Variants in BICRA observed in about 807,000 individuals in gnomAD.
BICRA encodes BRD4 interacting chromatin remodeling complex associated protein, also known as BRD4-interacting chromatin-remodeling complex-associated protein.
Under a neutral mutation model 96.9 loss-of-function variants are expected in BICRA, and 31 were observed. The observed-to-expected ratio is 0.32, with a 90% CI of 0.24 to 0.43. BICRA has a LOEUF of 0.43. Among genes scored for constraint, BICRA ranks in the 20% least tolerant of loss-of-function variants. The probability of loss-of-function intolerance (pLI) is 1.00; values close to 1 mark genes in which losing one functional copy is unlikely to be tolerated. For missense variants in BICRA, 2,283 were observed against 2,190.3 expected (o/e 1.04, Z -0.84); for synonymous variants, 1,350 against 1,071.8 (o/e 1.26, Z -5.07).
chr19:47,652,603 G>C (rs778893751), intron 1 of BICRA, among the ~76,000 whole-genome samples: 2 of 152,166 alleles, frequency 1.3e-5, no homozygotes, highest in African/African-American at 4.8e-5. Context: ...CTTACTACTC[G>C]TGGCTTTTTA....
intron 1 of BICRA, among the ~76,000 whole-genome samples, chr19:47,654,975 T>C (rs1244667385): frequency 6.6e-6 from 1 of 152,074 alleles, no homozygotes; most frequent in Non-Finnish European, 1.5e-5. Flanking sequence ...CAAGATATCA[T>C]ATTTGCAGAT....
chr19:47,688,284 G>GAGA (rs1449350769), intron 7 of BICRA, among the ~76,000 whole-genome samples: 2 of 152,084 alleles, frequency 1.3e-5, no homozygotes, highest in Non-Finnish European at 2.9e-5. Flanking sequence ...ATGGAAGGAA[G>GAGA]AGAAGGAGGG....
chr19:47,696,819 C>T (rs1477623077), intron 11 of BICRA, among the ~76,000 whole-genome samples: 2 of 151,216 alleles, frequency 1.3e-5, no homozygotes, highest in Non-Finnish European at 2.9e-5. Context: ...CGCGTCGGTG[C>T]TGAGCCCCAC....
intron 1 of BICRA, among the ~76,000 whole-genome samples, chr19:47,649,271 C>A (rs1972508497): frequency 6.6e-6 from 1 of 152,200 alleles, no homozygotes; most frequent in Non-Finnish European, 1.5e-5. Context: ...CAGGCATGAG[C>A]CACTGTGCCT....
At chr19:47,636,523 T>C (rs531332535) in intron 1 of BICRA, among the ~76,000 whole-genome samples, 117 of 151,952 alleles carry the variant, frequency 7.7e-4, no homozygotes, top group African/African-American at 2.8e-3. Context: ...GTATTATTAA[T>C]ATTATTGAGA....
At chr19:47,660,541 C>T (rs1363233824) in intron 1 of BICRA, among the ~76,000 whole-genome samples, 1 of 152,170 alleles carries the variant, frequency 6.6e-6, no homozygotes, top group Non-Finnish European at 1.5e-5. Context: ...AACTTCTAGG[C>T]GTCATAGCAT....
chr19:47,673,740 A>T lies in BICRA; in HGVS notation c.62A>T (p.Asp21Val). The T allele has an allele frequency of 6.2e-7, 1 of 1,612,658 alleles. No homozygotes were observed. Among genetic ancestry groups the T allele is most frequent in the Non-Finnish European group, 8.5e-7 (1 of 1,179,456 alleles). ...TCCAGTGACCCACAGGCCCTCAATG[A>T]CTTCTTGCATGGATCCGAGAAGGTA... ...DVICDPQALN[D>V]FLHGSEKLDS... The change falls in exon 4 of 15, where the codon GAC (aspartate) becomes GTC (valine). Residue 21 changes from aspartate (D) to valine (V), a missense_variant. Transcript: ENST00000594866.
At chr19:47,657,406 T>C (rs1972635032) in intron 1 of BICRA, among the ~76,000 whole-genome samples, 1 of 151,740 alleles carries the variant, frequency 6.6e-6, no homozygotes, top group Admixed American at 6.6e-5. Flanking sequence ...GAAATTTTTT[T>C]TTTTTTTTGA....
chr19:47,642,207 GC>G (rs1972395074), intron 1 of BICRA, among the ~76,000 whole-genome samples: 1 of 152,182 alleles, frequency 6.6e-6, no homozygotes, highest in African/African-American at 2.4e-5. Flanking sequence ...CTGGCAATAT[GC>G]CATTATGCAG....
At chr19:47,659,685 TACACAC>T (rs10567798) in intron 1 of BICRA, among the ~76,000 whole-genome samples, 5,767 of 132,410 alleles carry the variant, frequency 0.044, 217 homozygotes, top group Admixed American at 0.095. Flanking sequence ...TGGTGGTGCA[TACACAC>T]ACACACACAC....
At chr19:47,674,128 G>A (rs534510742) in intron 4 of BICRA, among the ~76,000 whole-genome samples, 83 of 152,306 alleles carry the variant, frequency 5.4e-4, no homozygotes, top group Non-Finnish European at 8.7e-4. Context: ...AGGTAACATT[G>A]AAGGTGAGAC....
chr19:47,668,511 G>A (rs186977580), intron 1 of BICRA, among the ~76,000 whole-genome samples: 1 of 146,928 alleles, frequency 6.8e-6, no homozygotes, highest in East Asian at 2.1e-4. Flanking sequence ...TTTTGAGACG[G>A]AGTCTAGCTC....
intron 1 of BICRA, chr19:47,615,987 C>T (rs1396321267): frequency 6.6e-6 from 1 of 152,410 alleles, no homozygotes; most frequent in African/African-American, 2.4e-5. Flanking sequence ...CATGCTGACT[C>T]CTCCGCTCTG....
At chr19:47,623,553 C>A (rs1320710156) in intron 1 of BICRA, among the ~76,000 whole-genome samples, 1 of 152,180 alleles carries the variant, frequency 6.6e-6, no homozygotes, top group Non-Finnish European at 1.5e-5. Flanking sequence ...TGGACTGTGG[C>A]CCATGTTCTC....
intron 1 of BICRA, among the ~76,000 whole-genome samples, chr19:47,611,728 A>G (rs1255165822): frequency 2.6e-5 from 4 of 152,094 alleles, no homozygotes; most frequent in Admixed American, 6.6e-5. Flanking sequence ...CTGTTTTCTC[A>G]TCTGCAAGTG....
rs67811590 is a variant in BICRA, at chr19:47,685,786, T to TGCGC, written c.2283+3645_2283+3648dup. ...GTGTGTGTGTGTGTGTGTGTGTGTG[T>TGCGC]GCGCGCGCGCGCGCATGCGTACATT... On this transcript the variant is annotated intron_variant, in intron 7 of 14. Coordinates refer to ENST00000594866, the MANE Select transcript of BICRA (RefSeq NM_001394372.1). Among the ~76,000 whole-genome samples, 799 of 117,924 alleles carry TGCGC rather than the reference T, an allele frequency of 6.8e-3. 9 individuals carry two copies. The highest frequency in any genetic ancestry group is 0.012 in the Admixed American group (144 of 11,530). 77.4% of individuals were successfully genotyped at this position (117,924 alleles called of 152,430 possible).
chr19:47,638,898 G>T (rs1236076583), intron 1 of BICRA, among the ~76,000 whole-genome samples: 5 of 152,090 alleles, frequency 3.3e-5, no homozygotes, highest in Admixed American at 1.3e-4. Context: ...CAAGTGACTT[G>T]CTTGCCCTGG....
At chr19:47,648,953 G>A (rs547004894) in intron 1 of BICRA, among the ~76,000 whole-genome samples, 4 of 151,482 alleles carry the variant, frequency 2.6e-5, no homozygotes, top group South Asian at 4.2e-4. Flanking sequence ...CTGGGCTCAC[G>A]CCATTCTCCT....
At chr19:47,695,177 C>G (rs1973316382) in intron 9 of BICRA, 97 bp downstream of exon 9, 9 of 876,120 alleles carry the variant, frequency 1.0e-5, no homozygotes, top group Non-Finnish European at 1.6e-5. Flanking sequence ...GGCTGTGGGA[C>G]TCAGCACAGG....
Sources: gnomAD v4.1 joint callset for allele counts (sites outside exome capture counted in the v4.1 genomes callset) on GRCh38, gnomAD v4.1.1 for gene constraint, MANE v1.5 for transcripts, NCBI Gene and HGNC (gene_info 2026-07-23, HGNC 2026-07-21) for gene names.